The following KCNS3 variants were observed in gnomAD, a reference collection of about 807,000 sequenced individuals.
KCNS3 encodes the protein delayed-rectifier potassium channel regulatory subunit KCNS3.
Under a neutral mutation model 31.0 loss-of-function variants are expected in KCNS3, and 13 were observed. The observed-to-expected ratio is 0.42, with a 90% CI of 0.27 to 0.67. The LOEUF (loss-of-function observed/expected upper bound fraction) is 0.67, where lower values mean the gene tolerates loss of function less well. KCNS3 is among the 30% of genes least tolerant of loss of function. The probability of loss-of-function intolerance (pLI) is 0.25; values close to 1 mark genes in which losing one functional copy is unlikely to be tolerated. For synonymous variants in KCNS3, 238 were observed against 241.5 expected, an observed-to-expected ratio of 0.99 and a Z score of 0.13; for missense variants, 545 against 622.4, an observed-to-expected ratio of 0.88 and a Z score of 1.32.
At chr2:17,878,217 A>T (rs1453597777), upstream of KCNS3, among the ~76,000 whole-genome samples, 1 of 152,110 alleles carries the variant, frequency 6.6e-6, no homozygotes, top group Admixed American at 6.5e-5. Flanking sequence ...CAGGCAAATT[A>T]GCAAAGTGTC....
chr2:17,893,448 G>A (rs1661907775), intron 1 of KCNS3, among the ~76,000 whole-genome samples: 1 of 152,164 alleles, frequency 6.6e-6, no homozygotes, highest in Admixed American at 6.5e-5. Flanking sequence ...GGGGCTTCTC[G>A]CCCCGTTCAA....
intron 1 of KCNS3, among the ~76,000 whole-genome samples, chr2:17,894,546 C>T (rs1161795593): frequency 6.6e-6 from 1 of 152,246 alleles, no homozygotes; most frequent in African/African-American, 2.4e-5. Flanking sequence ...GAGTGTGGAA[C>T]TATTTCAAAT....
At chr2:17,885,458 T>C (rs1037012358) in intron 1 of KCNS3, among the ~76,000 whole-genome samples, 2 of 152,204 alleles carry the variant, frequency 1.3e-5, no homozygotes, top group Non-Finnish European at 1.5e-5. Flanking sequence ...AAGAGATTTA[T>C]TCTAAGAAAT....
At chr2:17,923,678 A>AT (rs1213793147) in intron 2 of KCNS3, among the ~76,000 whole-genome samples, 1 of 151,840 alleles carries the variant, frequency 6.6e-6, no homozygotes, top group Non-Finnish European at 1.5e-5. Flanking sequence ...TCCAATTTAG[A>AT]TTTTTTTGCA....
At chr2:17,884,262 AAAAAAAATATATATATATATATAT>A (rs1481964064) in intron 1 of KCNS3, among the ~76,000 whole-genome samples, 4 of 51,786 alleles carry the variant, frequency 7.7e-5, no homozygotes, top group African/African-American at 2.1e-4. Flanking sequence ...TAATTAAAAA[AAAAAAAATATATATATATATATAT>A]ATATATATAT....
chr2:17,928,837 C>T (rs1662893126), intron 2 of KCNS3, among the ~76,000 whole-genome samples: 1 of 152,034 alleles, frequency 6.6e-6, no homozygotes, highest in South Asian at 2.1e-4. Flanking sequence ...TTTCTGCTTC[C>T]TTGTCCCTTT....
At chr2:17,904,321 G>A (rs1662261706) in intron 1 of KCNS3, among the ~76,000 whole-genome samples, 1 of 152,018 alleles carries the variant, frequency 6.6e-6, no homozygotes, top group Admixed American at 6.6e-5. Context: ...TTTTTTTCTT[G>A]TAAATTTGTT....
chr2:17,929,927 G>A (rs190095920), intron 2 of KCNS3, among the ~76,000 whole-genome samples: 1 of 152,178 alleles, frequency 6.6e-6, no homozygotes, highest in Non-Finnish European at 1.5e-5. Flanking sequence ...GACATAATGT[G>A]TAAAGGCCTC....
intron 1 of KCNS3, among the ~76,000 whole-genome samples, chr2:17,916,612 C>T (rs1332593208): frequency 6.6e-6 from 1 of 152,170 alleles, no homozygotes; most frequent in Admixed American, 6.5e-5. Flanking sequence ...GTTGCTGGGA[C>T]AACTTGGAAA....
chr2:17,878,388 C>T (rs1186896968), upstream of KCNS3, among the ~76,000 whole-genome samples: 2 of 151,954 alleles, frequency 1.3e-5, no homozygotes, highest in Non-Finnish European at 1.5e-5. Flanking sequence ...CCTGCCGCTC[C>T]GGGGTGACTC....
At chr2:17,908,568 G>T (rs762805383) in intron 1 of KCNS3, among the ~76,000 whole-genome samples, 5 of 152,192 alleles carry the variant, frequency 3.3e-5, no homozygotes, top group Non-Finnish European at 7.3e-5. Context: ...TTTCTGCTCT[G>T]TTTTTTCCCC....
At position 17,932,093 on chromosome 2, in the gene KCNS3, G is replaced by C; in HGVS notation, c.1085G>C (p.Trp362Ser). The C allele has an allele frequency of 6.2e-7, 1 of 1,614,064 alleles. No individual in the cohort carries two copies. Among genetic ancestry groups the C allele is most frequent in the Non-Finnish European group, 8.5e-7 (1 of 1,180,014 alleles). Residue 362 changes from tryptophan to serine, a missense_variant, in exon 3 of 3, where the codon TGG becomes TCG. Transcript: ENST00000304101. ...CTCACCAGCATCCCCATCTGCTGGT[G>C]GTGGGCCACCATCAGCATGACAACT... ...SSLTSIPICW[W>S]WATISMTTVG...
chr2:17,908,496 C>G (rs978487734), intron 1 of KCNS3, among the ~76,000 whole-genome samples: 8 of 152,242 alleles, frequency 5.3e-5, no homozygotes, highest in African/African-American at 1.9e-4. Flanking sequence ...TGTTCCGTTG[C>G]TGGCGTGGAG....
intron 1 of KCNS3, among the ~76,000 whole-genome samples, chr2:17,880,737 G>C (rs945594856): frequency 2.0e-5 from 3 of 152,194 alleles, no homozygotes; most frequent in Non-Finnish European, 4.4e-5. Flanking sequence ...AAAATCCAAA[G>C]CTCTGGAGCT....
chr2:17,919,728 C>T (rs1224675010), intron 2 of KCNS3: 1 of 152,274 alleles, frequency 6.6e-6, no homozygotes, highest in Non-Finnish European at 1.5e-5. Flanking sequence ...ACAGACCTGG[C>T]AGGGAGTTTT....
At chr2:17,879,616 C>G (rs1460398022) in intron 1 of KCNS3, among the ~76,000 whole-genome samples, 5 of 152,156 alleles carry the variant, frequency 3.3e-5, no homozygotes, top group Admixed American at 3.3e-4. Context: ...CCAGTCTTGC[C>G]GGCAGGGGCC....
At chr2:17,893,695 C>G (rs1661913252) in intron 1 of KCNS3, among the ~76,000 whole-genome samples, 1 of 152,172 alleles carries the variant, frequency 6.6e-6, no homozygotes, top group Non-Finnish European at 1.5e-5. Context: ...AGCTTCTCCA[C>G]TGGGGGTGTG....
chr2:17,888,629 GTA>G (rs70964021), intron 1 of KCNS3, among the ~76,000 whole-genome samples: 8,678 of 91,220 alleles, frequency 0.095, 409 homozygotes, highest in African/African-American at 0.12. Context: ...TAAAAAAAAT[GTA>G]TATATATATA....
chr2:17,926,191 A>C (rs1263340025), intron 2 of KCNS3, among the ~76,000 whole-genome samples: 1 of 152,230 alleles, frequency 6.6e-6, no homozygotes, highest in Non-Finnish European at 1.5e-5. Flanking sequence ...CAGTGATGCA[A>C]GAAGTGGGCT....
Sources: allele counts gnomAD v4.1 joint callset (sites outside exome capture counted in the v4.1 genomes callset), GRCh38; gene constraint gnomAD v4.1.1; transcripts MANE v1.5; gene names NCBI Gene and HGNC (gene_info 2026-07-23, HGNC 2026-07-21).